RBFOX1: variants seen among roughly 807,000 people sequenced by gnomAD.
RBFOX1 encodes the protein RNA binding protein fox-1 homolog 1.
In RBFOX1, 8 loss-of-function variants were observed where a neutral mutation model predicts 57.7. The observed-to-expected ratio is 0.14, with a 90% CI of 0.08 to 0.25. RBFOX1 has a LOEUF of 0.25. Ranked by LOEUF, RBFOX1 falls within the 10% of genes least tolerant of loss-of-function variation. RBFOX1 has a pLI of 1.00. For missense variants in RBFOX1, 611 were observed against 548.5 expected (o/e 1.11, Z -1.14); for synonymous variants, 326 against 222.4 (o/e 1.47, Z -4.15).
intron 2 of RBFOX1, among the ~76,000 whole-genome samples, chr16:6,403,664 C>T (rs2159546): frequency 0.66 from 100,124 of 151,934 alleles, 33,756 homozygotes; most frequent in African/African-American, 0.81. Context: ...ATCAGAGACA[C>T]TTCTGATGAG....
chr16:7,363,021 A>C (rs1451970969), intron 4 of RBFOX1, among the ~76,000 whole-genome samples: 1 of 152,178 alleles, frequency 6.6e-6, no homozygotes, highest in Non-Finnish European at 1.5e-5. Context: ...ATGTCTCCTG[A>C]GGCTTAAGCA....
intron 1 of RBFOX1, among the ~76,000 whole-genome samples, chr16:6,071,879 C>G (rs1046114347): frequency 1.3e-5 from 2 of 152,248 alleles, no homozygotes; most frequent in African/African-American, 4.8e-5. Context: ...GAATAATGTC[C>G]TCCAGGTTCA....
At chr16:6,247,452 C>A (rs890075116) in intron 1 of RBFOX1, among the ~76,000 whole-genome samples, 1 of 152,110 alleles carries the variant, frequency 6.6e-6, no homozygotes, top group Non-Finnish European at 1.5e-5. Context: ...TAGGGAGAGG[C>A]AGTTAGCTCA....
At chr16:6,524,979 A>T (rs571502602) in intron 2 of RBFOX1, among the ~76,000 whole-genome samples, 1 of 152,250 alleles carries the variant, frequency 6.6e-6, no homozygotes, top group East Asian at 1.9e-4. Context: ...GTCACTTCTG[A>T]GTATCTGGGT....
chr16:7,337,663 G>GT (rs1226711148), intron 4 of RBFOX1, among the ~76,000 whole-genome samples: 3 of 152,172 alleles, frequency 2.0e-5, no homozygotes, highest in South Asian at 4.2e-4. Context: ...GCAGGTGAAT[G>GT]TTTTTTGTGT....
At position 6,967,128 on chromosome 16, in the gene RBFOX1, A is replaced by G. The variant is rs146673905; in HGVS notation, c.-15-84929A>G. On this transcript the variant is annotated intron_variant, in intron 3 of 15. Transcript: ENST00000550418. ...ACACTCATTCATCCATTACTTATCT[A>G]TTTAAACATTCATCCATTCATCATC... Among the ~76,000 whole-genome samples the G allele has an allele frequency of 2.4e-3, 363 of 152,074 alleles. 1 individual carries two copies. Among genetic ancestry groups the G allele is most frequent in the African/African-American group, 8.4e-3 (350 of 41,436 alleles).
intron 1 of RBFOX1, among the ~76,000 whole-genome samples, chr16:6,193,391 ACTATAT>A (rs2097156875): frequency 1.9e-4 from 3 of 15,756 alleles, no homozygotes; most frequent in African/African-American, 3.5e-4. Flanking sequence ...ATATATATAT[ACTATAT>A]ATATATATAT....
intron 3 of RBFOX1, among the ~76,000 whole-genome samples, chr16:7,018,051 G>A (rs1056413140): frequency 6.6e-6 from 1 of 151,950 alleles, no homozygotes; most frequent in Non-Finnish European, 1.5e-5. Flanking sequence ...GAAAACAGGC[G>A]TGGCCAGCTC....
intron 4 of RBFOX1, among the ~76,000 whole-genome samples, chr16:7,455,797 A>T (rs1009122224): frequency 2.9e-4 from 44 of 150,884 alleles, no homozygotes; most frequent in African/African-American, 8.8e-4. Flanking sequence ...AAAAAAAAAA[A>T]AAAAGAAAAA....
In RBFOX1 at chr16:6,854,271, G is replaced by C. The variant is rs2057383710; in HGVS notation, c.-15-197786G>C. ...TACCATTAGCACCATTTCCTAGTTA[G>C]AGAATGTAAGGAAAGATGGAGGATC... is the stretch of plus-strand genomic sequence containing the variant. On this transcript the variant is annotated intron_variant, in intron 3 of 15. Transcript: ENST00000550418. Among the ~76,000 whole-genome samples, 4 of 152,154 alleles carry C rather than the reference G, an allele frequency of 2.6e-5. No homozygotes were observed. The South Asian group carries it at 8.3e-4, about 32-fold the overall frequency.
chr16:6,048,612 A>G (rs1049200832), intron 1 of RBFOX1, among the ~76,000 whole-genome samples: 4 of 152,162 alleles, frequency 2.6e-5, no homozygotes, highest in Non-Finnish European at 5.9e-5. Flanking sequence ...CCTGCAGAAA[A>G]TTTTATTTCC....
intron 13 of RBFOX1, among the ~76,000 whole-genome samples, chr16:7,666,394 A>G (rs1169921843): frequency 6.6e-6 from 1 of 151,886 alleles, no homozygotes; most frequent in Admixed American, 6.6e-5. Context: ...CCCAAGAAAA[A>G]AAAAATGCAG....
At chr16:6,690,513 G>A (rs976216487) in intron 3 of RBFOX1, among the ~76,000 whole-genome samples, 1 of 151,932 alleles carries the variant, frequency 6.6e-6, no homozygotes, top group Non-Finnish European at 1.5e-5. Context: ...TAAAAAAATA[G>A]TATATAAGTA....
At chr16:7,704,349 C>T (rs765482828) in intron 14 of RBFOX1, among the ~76,000 whole-genome samples, 12 of 152,298 alleles carry the variant, frequency 7.9e-5, no homozygotes, top group South Asian at 2.1e-4. Context: ...TTTATGGCAA[C>T]TTGGCCAGTG....
At chr16:7,271,052 T>C (rs1366560582) in intron 4 of RBFOX1, among the ~76,000 whole-genome samples, 1 of 152,110 alleles carries the variant, frequency 6.6e-6, no homozygotes, top group Non-Finnish European at 1.5e-5. Context: ...CTCTCTTATT[T>C]TGCTGCATTG....
At chr16:6,805,079 G>T (rs2086418055) in intron 3 of RBFOX1, among the ~76,000 whole-genome samples, 1 of 152,130 alleles carries the variant, frequency 6.6e-6, no homozygotes, top group African/African-American at 2.4e-5. Flanking sequence ...CTACCATAAA[G>T]ACCCATGCAC....
chr16:5,242,897 G>T (rs1413666158), intron 1 of RBFOX1, among the ~76,000 whole-genome samples: 1 of 151,652 alleles, frequency 6.6e-6, no homozygotes, highest in Non-Finnish European at 1.5e-5. Flanking sequence ...GTGGTGGCTA[G>T]AGGATGTTTT....
intron 3 of RBFOX1, among the ~76,000 whole-genome samples, chr16:6,721,243 G>C (rs1420396359): frequency 6.6e-6 from 1 of 152,160 alleles, no homozygotes; most frequent in Admixed American, 6.5e-5. Context: ...AGGATTTTGA[G>C]ACCAGTCTGG....
intron 3 of RBFOX1, among the ~76,000 whole-genome samples, chr16:6,998,767 G>A (rs894002970): frequency 6.6e-6 from 1 of 151,978 alleles, no homozygotes; most frequent in Non-Finnish European, 1.5e-5. Context: ...AGTAGGAAGG[G>A]CATTTTATTA....
Sources: allele counts gnomAD v4.1 joint callset (sites outside exome capture counted in the v4.1 genomes callset), GRCh38; gene constraint gnomAD v4.1.1; transcripts MANE v1.5; gene names NCBI Gene and HGNC (gene_info 2026-07-23, HGNC 2026-07-21).